The following SPON1 variants were observed in gnomAD, a reference collection of about 807,000 sequenced individuals.
SPON1 encodes the protein spondin 1, also known as spondin-1.
In SPON1, 52 loss-of-function variants were observed where a neutral mutation model predicts 111.7. The observed-to-expected ratio is 0.47, with a 90% CI of 0.37 to 0.59. The LOEUF (loss-of-function observed/expected upper bound fraction) is 0.59. Ranked by LOEUF, SPON1 falls within the 20% of genes least tolerant of loss-of-function variation. The probability of loss-of-function intolerance (pLI) is 0.00; values close to 1 mark genes in which losing one functional copy is unlikely to be tolerated. For synonymous variants in SPON1, 410 were observed against 395.8 expected (o/e 1.04, Z -0.43); for missense variants, 957 against 1,068.5 (o/e 0.90, Z 1.46).
chr11:14,029,124 TACAC>T (rs35525978), intron 2 of SPON1, among the ~76,000 whole-genome samples: 2 of 149,944 alleles, frequency 1.3e-5, no homozygotes, highest in Non-Finnish European at 3.0e-5. Flanking sequence ...CAGTGACCCC[TACAC>T]ACACACACAC....
intron 2 of SPON1, among the ~76,000 whole-genome samples, chr11:13,994,219 T>A (rs1213075429): frequency 2.0e-5 from 3 of 152,186 alleles, no homozygotes; most frequent in Admixed American, 6.5e-5. Flanking sequence ...CTGCTCTCAT[T>A]ACACTAACCT....
chr11:14,182,272 A>C (rs951788015), intron 6 of SPON1, among the ~76,000 whole-genome samples: 6 of 152,190 alleles, frequency 3.9e-5, no homozygotes, highest in African/African-American at 1.4e-4. Context: ...TTGAATAGGC[A>C]TGTGTGAGAG....
chr11:13,999,627 G>A (rs1443020243), intron 2 of SPON1, among the ~76,000 whole-genome samples: 2 of 152,032 alleles, frequency 1.3e-5, no homozygotes, highest in Non-Finnish European at 2.9e-5. Context: ...AGCTGGTTTT[G>A]AACTCCTGAC....
At chr11:14,057,529 C>T (rs1295849031) in intron 3 of SPON1, among the ~76,000 whole-genome samples, 2 of 152,002 alleles carry the variant, frequency 1.3e-5, no homozygotes, top group African/African-American at 4.8e-5. Context: ...GTTATCTAAT[C>T]TCATGGTTAT....
At chr11:14,139,005 G>T (rs1847621768) in intron 6 of SPON1, among the ~76,000 whole-genome samples, 2 of 151,970 alleles carry the variant, frequency 1.3e-5, no homozygotes, top group African/African-American at 2.4e-5. Context: ...CTGCCCCAGG[G>T]CCATCTTTAT....
intron 6 of SPON1, among the ~76,000 whole-genome samples, chr11:14,234,674 G>A (rs1296291842): frequency 1.3e-5 from 2 of 152,196 alleles, no homozygotes; most frequent in South Asian, 2.1e-4. Context: ...AGTGGGGCAG[G>A]CCCGGAACAG....
intron 1 of SPON1, among the ~76,000 whole-genome samples, chr11:13,979,493 G>C (rs1848128125): frequency 6.6e-6 from 1 of 152,180 alleles, no homozygotes; most frequent in African/African-American, 2.4e-5. Flanking sequence ...GCTCCCAGGG[G>C]AAACTAGTAA....
At chr11:14,173,820 G>A (rs782179833) in intron 6 of SPON1, among the ~76,000 whole-genome samples, 2 of 152,118 alleles carry the variant, frequency 1.3e-5, no homozygotes, top group African/African-American at 2.4e-5. Context: ...TTGGTGAACC[G>A]CAAACGTTTC....
At chr11:14,246,076 A>T (rs759309605) in intron 7 of SPON1, among the ~76,000 whole-genome samples, 1 of 152,158 alleles carries the variant, frequency 6.6e-6, no homozygotes, top group Non-Finnish European at 1.5e-5. Context: ...CTGGTCCTCT[A>T]AGTGGGCAGG....
intron 5 of SPON1, among the ~76,000 whole-genome samples, chr11:14,100,505 A>G (rs999114038): frequency 6.6e-6 from 1 of 152,068 alleles, no homozygotes; most frequent in African/African-American, 2.4e-5. Flanking sequence ...TTAATGTAAG[A>G]CACGTACTTA....
intron 1 of SPON1, among the ~76,000 whole-genome samples, chr11:13,980,049 CT>C (rs75144823): frequency 0.092 from 13,516 of 147,236 alleles, 710 homozygotes; most frequent in South Asian, 0.18. Flanking sequence ...CTCATTCCTT[CT>C]TTTTTTTTTT....
chr11:14,178,503 C>T (rs1848204848), intron 6 of SPON1, among the ~76,000 whole-genome samples: 2 of 152,090 alleles, frequency 1.3e-5, no homozygotes, highest in South Asian at 4.1e-4. Flanking sequence ...TCCCTACCCT[C>T]ACTCGCGAGA....
At chr11:13,995,475 G>C (rs1391697592) in intron 2 of SPON1, among the ~76,000 whole-genome samples, 11 of 152,182 alleles carry the variant, frequency 7.2e-5, no homozygotes, top group Non-Finnish European at 1.5e-4. Context: ...GCTGGAGAGA[G>C]AGAGCAAGAC....
chr11:14,261,263 G>A (rs1485359664), intron 14 of SPON1, among the ~76,000 whole-genome samples: 1 of 152,112 alleles, frequency 6.6e-6, no homozygotes, highest in Non-Finnish European at 1.5e-5. Flanking sequence ...CAAAGTCTCT[G>A]CGATCAGCTG....
At chr11:14,050,024 G>A (rs772500428) in intron 3 of SPON1, among the ~76,000 whole-genome samples, 10 of 130,990 alleles carry the variant, frequency 7.6e-5, no homozygotes, top group African/African-American at 1.3e-4. Flanking sequence ...ATCACTCAGG[G>A]TGCTTAGGCA....
At chr11:14,215,135 A>T (rs12287073) in intron 6 of SPON1, among the ~76,000 whole-genome samples, 1 of 152,028 alleles carries the variant, frequency 6.6e-6, no homozygotes, top group Non-Finnish European at 1.5e-5. Context: ...AGCACACTAC[A>T]GCCAAGAACT....
chr11:14,048,154 G>A (rs562070394), intron 3 of SPON1, among the ~76,000 whole-genome samples: 14 of 152,264 alleles, frequency 9.2e-5, no homozygotes, highest in East Asian at 1.9e-4. Flanking sequence ...TAGGAGAATC[G>A]CTTGAACCCA....
intron 6 of SPON1, among the ~76,000 whole-genome samples, chr11:14,200,178 T>G (rs1186957585): frequency 2.0e-5 from 3 of 152,190 alleles, no homozygotes; most frequent in African/African-American, 7.2e-5. Flanking sequence ...CATTTATGGC[T>G]TCATGCTTAT....
intron 5 of SPON1, among the ~76,000 whole-genome samples, chr11:14,105,965 A>G (rs984174085): frequency 2.6e-5 from 4 of 152,148 alleles, no homozygotes; most frequent in Non-Finnish European, 4.4e-5. Context: ...TAATTTATTG[A>G]TAACTTGCTT....
Sources: gnomAD v4.1 joint callset for allele counts (sites outside exome capture counted in the v4.1 genomes callset) on GRCh38, gnomAD v4.1.1 for gene constraint, MANE v1.5 for transcripts, NCBI Gene and HGNC (gene_info 2026-07-23, HGNC 2026-07-21) for gene names.